The following NRG3 variants were observed in gnomAD, a reference collection of about 807,000 sequenced individuals.
NRG3 encodes neuregulin 3.
NRG3 carries 31 observed loss-of-function variants against 66.9 expected under a neutral mutation model. The ratio of observed to expected loss-of-function variants is 0.46; its 90% CI spans 0.35 to 0.63. NRG3 has a LOEUF of 0.63. NRG3 is among the 20% of genes least tolerant of loss of function. The probability of loss-of-function intolerance (pLI) is 0.00; values close to 1 mark genes in which losing one functional copy is unlikely to be tolerated. For synonymous variants in NRG3, 393 were observed against 359.4 expected (o/e 1.09, Z -1.06); for missense variants, 910 against 878.9 (o/e 1.04, Z -0.45).
intron 4 of NRG3, among the ~76,000 whole-genome samples, chr10:82,901,347 T>C (rs1165141823): frequency 1.3e-5 from 2 of 152,188 alleles, no homozygotes; most frequent in East Asian, 3.8e-4. Flanking sequence ...TGTGTGTGTG[T>C]ATGTATGGCT....
rs540737127 is a variant in NRG3 at position 82,239,423 on chromosome 10, T to C, written c.824-119316T>C. ...CGGCCGCCTTGGTCTCCCAAAGTGC[T>C]GGGATTACAGGCATGAGCCACCGCA... On this transcript the variant is annotated intron_variant, in intron 1 of 8. Coordinates refer to ENST00000372141, the MANE Select transcript of NRG3 (RefSeq NM_001010848.4). Among the ~76,000 whole-genome samples the C allele has an allele frequency of 4.6e-5, 7 of 152,284 alleles. No individual in the cohort carries two copies. In the South Asian group the frequency reaches 1.4e-3, roughly 32 times the overall value.
chr10:81,940,849 A>G (rs760920924), intron 1 of NRG3, among the ~76,000 whole-genome samples: 36 of 152,246 alleles, frequency 2.4e-4, no homozygotes, highest in Middle Eastern at 3.4e-3. Flanking sequence ...AATATTTTTA[A>G]GGTACCGAAT....
intron 3 of NRG3, among the ~76,000 whole-genome samples, chr10:82,835,333 C>A (rs987212143): frequency 6.6e-6 from 1 of 152,166 alleles, no homozygotes; most frequent in African/African-American, 2.4e-5. Context: ...TCAGCACACT[C>A]CACGATGAGA....
intron 5 of NRG3, among the ~76,000 whole-genome samples, chr10:82,953,757 A>G (rs879583936): frequency 6.6e-6 from 1 of 151,862 alleles, no homozygotes; most frequent in African/African-American, 2.4e-5. Flanking sequence ...AGATCACTTG[A>G]GACCAGCCTG....
chr10:82,879,958 CTTTTTTTTTT>C (rs35159008), intron 4 of NRG3, among the ~76,000 whole-genome samples: 2 of 78,460 alleles, frequency 2.5e-5, no homozygotes, highest in Admixed American at 1.7e-4. Context: ...GATTTCATCC[CTTTTTTTTTT>C]TTTTTTTTTT....
chr10:82,369,994 C>T lies in NRG3; in HGVS notation c.953+11126C>T, dbSNP rs1419252485. Among the ~76,000 whole-genome samples the T allele has an allele frequency of 2.2e-5, 3 of 138,378 alleles. 1 individual carries two copies. The highest frequency in any genetic ancestry group is 6.7e-5 in the African/African-American group (2 of 29,852). 90.8% of individuals were successfully genotyped at this position (138,378 alleles called of 152,430 possible). On this transcript the variant is annotated intron_variant, in intron 2 of 8. Coordinates refer to ENST00000372141, the MANE Select transcript of NRG3 (RefSeq NM_001010848.4). Reference sequence around the variant, plus strand: ...AGCATGCAGAAGGGCAGTGCAGAGGCGGGGGCAGGTGCTTTGGCTCCACAG... The same window carrying T: ...AGCATGCAGAAGGGCAGTGCAGAGGTGGGGGCAGGTGCTTTGGCTCCACAG...
chr10:81,957,096 A>G (rs1849910544), intron 1 of NRG3, among the ~76,000 whole-genome samples: 1 of 152,152 alleles, frequency 6.6e-6, no homozygotes, highest in Non-Finnish European at 1.5e-5. Flanking sequence ...TTAGGAAGCA[A>G]GTGTGCTGCC....
intron 2 of NRG3, among the ~76,000 whole-genome samples, chr10:82,729,217 C>A (rs543449936): frequency 6.6e-6 from 1 of 152,250 alleles, no homozygotes; most frequent in Non-Finnish European, 1.5e-5. Flanking sequence ...CACAATAGAT[C>A]TTTTGTATAC....
At chr10:82,956,444 T>C (rs1380535712) in intron 5 of NRG3, among the ~76,000 whole-genome samples, 1 of 151,772 alleles carries the variant, frequency 6.6e-6, no homozygotes, top group African/African-American at 2.4e-5. Context: ...GGAGGGATGG[T>C]AGATAGGCAG....
intron 2 of NRG3, among the ~76,000 whole-genome samples, chr10:82,656,132 T>A (rs1054074708): frequency 6.6e-6 from 1 of 152,128 alleles, no homozygotes; most frequent in Non-Finnish European, 1.5e-5. Context: ...AACAAGTTCA[T>A]GTATTACTTT....
At chr10:82,511,090 A>G (rs1845122565) in intron 2 of NRG3, among the ~76,000 whole-genome samples, 1 of 152,192 alleles carries the variant, frequency 6.6e-6, no homozygotes, top group Admixed American at 6.5e-5. Context: ...GCCAAAAGGT[A>G]AGGCTGGATG....
chr10:82,740,512 C>A (rs2058370729), intron 3 of NRG3, among the ~76,000 whole-genome samples: 1 of 152,048 alleles, frequency 6.6e-6, no homozygotes, highest in Non-Finnish European at 1.5e-5. Context: ...AAACCTATTT[C>A]AATGTCTATT....
chr10:82,806,264 G>A (rs2061278543), intron 3 of NRG3, among the ~76,000 whole-genome samples: 1 of 152,138 alleles, frequency 6.6e-6, no homozygotes, highest in African/African-American at 2.4e-5. Flanking sequence ...TGACTTATAG[G>A]TCTTTTCAAC....
chr10:82,584,370 G>A (rs1049029289), intron 2 of NRG3, among the ~76,000 whole-genome samples: 2 of 152,198 alleles, frequency 1.3e-5, no homozygotes. Context: ...ACAGGCATGA[G>A]CCACTGCACC....
intron 1 of NRG3, among the ~76,000 whole-genome samples, chr10:82,271,732 A>G (rs2078607666): frequency 6.6e-6 from 1 of 152,106 alleles, no homozygotes; most frequent in Non-Finnish European, 1.5e-5. Flanking sequence ...TATTTAATGC[A>G]TTCAAATTTA....
intron 3 of NRG3, among the ~76,000 whole-genome samples, chr10:82,809,440 G>A (rs1645121262): frequency 6.6e-6 from 1 of 151,874 alleles, no homozygotes; most frequent in Non-Finnish European, 1.5e-5. Context: ...TTTAAAAAAT[G>A]TGAACATAAT....
intron 6 of NRG3, among the ~76,000 whole-genome samples, chr10:82,967,790 A>AT (rs543265039): frequency 1.4e-3 from 206 of 152,148 alleles, no homozygotes; most frequent in Middle Eastern, 6.8e-3. Context: ...ACATTAGATG[A>AT]TTTTTTTTGT....
chr10:82,834,510 T>C (rs562414075), intron 3 of NRG3, among the ~76,000 whole-genome samples: 192 of 152,270 alleles, frequency 1.3e-3, no homozygotes, highest in Non-Finnish European at 1.7e-3. Context: ...CAACAATCAT[T>C]TGGCATTTGA....
intron 1 of NRG3, among the ~76,000 whole-genome samples, chr10:82,240,998 G>A (rs1338700823): frequency 6.6e-6 from 1 of 152,030 alleles, no homozygotes; most frequent in Non-Finnish European, 1.5e-5. Flanking sequence ...CAAGAGGAAA[G>A]GTTCTTTTTA....
Sources: gnomAD v4.1 joint callset for allele counts (sites outside exome capture counted in the v4.1 genomes callset) on GRCh38, gnomAD v4.1.1 for gene constraint, MANE v1.5 for transcripts, NCBI Gene and HGNC (gene_info 2026-07-23, HGNC 2026-07-21) for gene names.